SEC31A: variants seen among roughly 807,000 people sequenced by gnomAD.
The protein encoded by SEC31A is protein transport protein Sec31A.
In SEC31A, 70 loss-of-function variants were observed where a neutral mutation model predicts 151.0. The observed-to-expected ratio is 0.46, with a 90% CI of 0.38 to 0.57. SEC31A has a LOEUF of 0.57. Ranked by LOEUF, SEC31A falls within the 20% of genes least tolerant of loss-of-function variation. The probability of loss-of-function intolerance (pLI) is 0.00; values close to 1 mark genes in which losing one functional copy is unlikely to be tolerated. For missense variants in SEC31A, 1,330 were observed against 1,471.2 expected, an observed-to-expected ratio of 0.90 and a Z score of 1.57; for synonymous variants, 475 against 505.9, an observed-to-expected ratio of 0.94 and a Z score of 0.82.
intron 7 of SEC31A, chr4:82,871,326 ACACAC>A (rs1329421959): frequency 6.6e-7 from 1 of 1,506,070 alleles, no homozygotes. Flanking sequence ...ACACACACAC[ACACAC>A]ACACACAAGT....
chr4:82,852,927 G>A (rs1028145912), intron 18 of SEC31A, among the ~76,000 whole-genome samples: 3 of 152,278 alleles, frequency 2.0e-5, no homozygotes, highest in East Asian at 1.9e-4. Flanking sequence ...ATTCTGATAA[G>A]GAGGATACAA....
chr4:82,896,132 C>A (rs1057454508), upstream of SEC31A, among the ~76,000 whole-genome samples: 3 of 152,186 alleles, frequency 2.0e-5, no homozygotes, highest in Non-Finnish European at 2.9e-5. Flanking sequence ...GGTAGGTGTT[C>A]AACAAGTGAA....
intron 22 of SEC31A, among the ~76,000 whole-genome samples, chr4:82,837,195 ATATAATT>A (rs1727564384): frequency 1.7e-5 from 1 of 57,412 alleles, no homozygotes; most frequent in Non-Finnish European, 5.5e-5. Flanking sequence ...ATATATATAT[ATATAATT>A]TCACCACAAT....
chr4:82,864,298 G>T, intron 11 of SEC31A, 64 bp downstream of exon 11: 2 of 1,103,624 alleles, frequency 1.8e-6, no homozygotes, highest in Non-Finnish European at 1.4e-6. Flanking sequence ...GACAGATTTA[G>T]AATATAAAGG....
At chr4:82,884,981 CTTTGTTA>C (rs1257431931) in intron 1 of SEC31A, among the ~76,000 whole-genome samples, 2 of 152,192 alleles carry the variant, frequency 1.3e-5, no homozygotes, top group African/African-American at 4.8e-5. Context: ...ATGAAAATTA[CTTTGTTA>C]TTTAATAGTT....
In SEC31A at chr4:82,827,918, CT is replaced by C. The variant is rs879912426; in HGVS notation, c.3028-287del. On this transcript the variant is annotated intron_variant, in intron 23 of 26. Transcript: ENST00000395310. ...CAATAAAGCGGAGCTAAAACCATGG[CT>C]TTTTTTTTTTTTTGAGATAGAGTCC... 3.2e-3 allele frequency among the ~76,000 whole-genome samples: 447 copies of C among 139,894 alleles called. 1 individual carries two copies. Among genetic ancestry groups the C allele is most frequent in the Middle Eastern group, 7.4e-3 (2 of 272 alleles). 91.8% of individuals were successfully genotyped at this position (139,894 alleles called of 152,430 possible).
Position 82,857,923 on chromosome 4 carries a change from C to A in SEC31A, c.1627-159G>T, listed in dbSNP as rs1733047619. The A allele has an allele frequency of 3.5e-5, 18 of 518,820 alleles. No individual in the cohort carries two copies. The South Asian group carries it at 3.6e-4, about 10-fold the overall frequency. 32.1% of individuals were successfully genotyped at this position (518,820 alleles called of 1,614,324 possible). On this transcript the variant is annotated intron_variant, in intron 14 of 26. Coordinates refer to ENST00000395310, the MANE Select transcript of SEC31A (RefSeq NM_001077207.4). ...TCCAAATTTACAACTAAGATCTATGCCTTCCCTAAATATTACCTCCCATTA... is the reference window on the plus strand; with the variant it reads ...TCCAAATTTACAACTAAGATCTATGACTTCCCTAAATATTACCTCCCATTA...
chr4:82,863,384 A>C lies in SEC31A; in HGVS notation c.1443T>G (p.Phe481Leu). ...GGTATTTTCCACGAGAATCATCCTCAAAGTTTACCTTTAAAAAAAAAGACA... is the reference window on the plus strand; with the variant it reads ...GGTATTTTCCACGAGAATCATCCTCCAAGTTTACCTTTAAAAAAAAAGACA... ...KNVWSFLKVN[F>L]EDDSRGKYLE... is the part of the protein sequence containing the mutation. The change falls in exon 12 of 27, where the codon TTT becomes TTG. Residue 481 changes from phenylalanine (F) to leucine (L), a missense_variant. Phe to Leu is a conservative substitution (Grantham distance 22). Transcript: ENST00000395310. 6.4e-7 allele frequency: 1 copy of C among 1,565,254 alleles called. No homozygotes were observed. Among genetic ancestry groups the C allele is most frequent in the Non-Finnish European group, 8.6e-7 (1 of 1,161,790 alleles).
rs750493861 is a variant in SEC31A at position 82,870,305 on chromosome 4, G to A, written c.882+20C>T. The A allele has an allele frequency of 6.3e-7, 1 of 1,580,612 alleles. No homozygotes were observed. Among genetic ancestry groups the A allele is most frequent in the Non-Finnish European group, 8.7e-7 (1 of 1,150,542 alleles). ...CATACTATAAGGGCTACAAGGTTGA[G>A]ACACATTTCCTGCCCATACCTCTCC... On this transcript the variant is annotated intron_variant, in intron 8 of 26. Transcript: ENST00000395310.
exon 1 of SEC31A, chr4:82,900,383 T>C (rs926694804): frequency 1.4e-5 from 3 of 214,006 alleles, no homozygotes; most frequent in South Asian, 6.7e-5. Flanking sequence ...CGGAGACCCA[T>C]TGGCAGGTTC....
At chr4:82,851,671 T>G in intron 18 of SEC31A, 67 bp from the exon 19 acceptor site, 1 of 1,363,148 alleles carries the variant, frequency 7.3e-7, no homozygotes, top group Non-Finnish European at 1.0e-6. Flanking sequence ...CAGGAAAAGA[T>G]CAAGAGTTAC....
At chr4:82,860,806 C>G (rs539720723) in intron 14 of SEC31A, among the ~76,000 whole-genome samples, 1 of 152,018 alleles carries the variant, frequency 6.6e-6, no homozygotes, top group Non-Finnish European at 1.5e-5. Flanking sequence ...AAGATTTTAT[C>G]CATATCCTTT....
upstream of SEC31A, among the ~76,000 whole-genome samples, chr4:82,892,724 A>G (rs963673789): frequency 2.3e-4 from 33 of 142,068 alleles, 1 homozygote; most frequent in African/African-American, 8.0e-4. Context: ...ATCATGATGC[A>G]CATCTTTTTT....
chr4:82,842,287 T>C lies in SEC31A; in HGVS notation c.2821A>G (p.Thr941Ala), dbSNP rs779124032. ...GAGGAAGGGGGAGGAGGGAAAGAAG[T>C]AGCAGGGCTGGAGGTAGGTGAAGAG... is the stretch of plus-strand genomic sequence containing the variant. ...QASSPTSSPATSFPPPPSSGA... is the reference protein window; with the variant it reads ...QASSPTSSPAASFPPPPSSGA... The change falls in exon 22 of 27, where the codon ACT becomes GCT. Residue 941 changes from threonine (T) to alanine (A), a missense_variant. Coordinates refer to ENST00000395310, the MANE Select transcript of SEC31A (RefSeq NM_001077207.4). 2 of 1,613,680 alleles carry C rather than the reference T, an allele frequency of 1.2e-6. No homozygotes were observed. The highest frequency in any genetic ancestry group is 1.3e-5 in the African/African-American group (1 of 75,004).
In SEC31A at chr4:82,860,815, T is replaced by G. The variant is rs556141481; in HGVS notation, c.1626+816A>C. 6.6e-5 allele frequency among the ~76,000 whole-genome samples: 10 copies of G among 152,236 alleles called. No individual in the cohort carries two copies. In the South Asian group the frequency reaches 1.2e-3, roughly 19 times the overall value. Reference sequence around the variant, plus strand: ...TTAGTAAAGATTTTATCCATATCCTTTATTCCCTTGTTAATTAAACTCTAG... The same window carrying G: ...TTAGTAAAGATTTTATCCATATCCTGTATTCCCTTGTTAATTAAACTCTAG... On this transcript the variant is annotated intron_variant, in intron 14 of 26. Coordinates refer to ENST00000395310, the MANE Select transcript of SEC31A (RefSeq NM_001077207.4).
rs1161285465 is a variant in SEC31A at position 82,870,474 on chromosome 4, A to C, written c.783-50T>G. ...GAAATTTTTAATCTTGAGAAAACCAAATCTCAACTATTTCTGCCTAGGTTT... is the reference window on the plus strand; with the variant it reads ...GAAATTTTTAATCTTGAGAAAACCACATCTCAACTATTTCTGCCTAGGTTT... On this transcript the variant is annotated intron_variant, in intron 7 of 26. Transcript: ENST00000395310. 3 of 1,376,174 alleles carry C rather than the reference A, an allele frequency of 2.2e-6. No individual in the cohort carries two copies. In the Admixed American group the frequency reaches 5.3e-5, roughly 24 times the overall value. The allele number at this position is 1,376,174 out of a possible 1,614,324, so 85.2% of individuals were successfully genotyped here. A position where few individuals can be genotyped will look rare whatever the true frequency, so the allele number is the denominator to read the frequency against.
At chr4:82,842,562 A>G in intron 21 of SEC31A, 81 bp from the exon 22 acceptor site, 2 of 1,009,434 alleles carry the variant, frequency 2.0e-6, no homozygotes, top group Non-Finnish European at 2.9e-6. Flanking sequence ...AAGTTATCTC[A>G]GTCTATAGAA....
rs370039683 is a variant in SEC31A, at chr4:82,846,240, T to C, written c.2503-1731A>G. Among the ~76,000 whole-genome samples, 256 of 151,184 alleles carry C rather than the reference T, an allele frequency of 1.7e-3. 2 individuals are homozygous for C. Among genetic ancestry groups the C allele is most frequent in the Middle Eastern group, 6.8e-3 (2 of 292 alleles). On this transcript the variant is annotated intron_variant, in intron 20 of 26. Transcript: ENST00000395310. Reference sequence around the variant, plus strand: ...GGCTGGTCTCGATCTCCTGACCTCGTGATCCGCCCGCCTCAGCCTCCCAAA... The same window carrying C: ...GGCTGGTCTCGATCTCCTGACCTCGCGATCCGCCCGCCTCAGCCTCCCAAA...
At position 82,875,783 on chromosome 4, in the gene SEC31A, A is replaced by G. The variant is rs1160664571; in HGVS notation, c.442T>C (p.Tyr148His). 1 of 1,608,528 alleles carries G rather than the reference A, an allele frequency of 6.2e-7. No individual in the cohort carries two copies. Residue 148 changes from tyrosine to histidine, a missense_variant, in exon 5 of 27, where the codon TAC becomes CAC. Transcript: ENST00000395310. Reference protein sequence around the residue: ...VASGANESEIYIWDLNNFATP... With the variant: ...VASGANESEIHIWDLNNFATP... The stretch of plus-strand genomic sequence containing the variant: ...GCAAAATTATTTAGATCCCATATGT[A>G]GATTTCAGATTCATTAGCACCAGAA...
Sources: gnomAD v4.1 joint callset for allele counts (sites outside exome capture counted in the v4.1 genomes callset) on GRCh38, gnomAD v4.1.1 for gene constraint, MANE v1.5 for transcripts, NCBI Gene and HGNC (gene_info 2026-07-23, HGNC 2026-07-21) for gene names.